DEPDC1: variants seen among roughly 807,000 people sequenced by gnomAD.
DEPDC1 encodes DEP domain-containing protein 1A.
DEPDC1 carries 66 observed loss-of-function variants against 86.8 expected under a neutral mutation model. The observed-to-expected ratio is 0.76, with a 90% CI of 0.62 to 0.93. The LOEUF is 0.93. DEPDC1 is among the 40% of genes least tolerant of loss of function. DEPDC1 has a pLI of 0.00. For missense variants in DEPDC1, 792 were observed against 935.7 expected (o/e 0.85, Z 2.00); for synonymous variants, 255 against 314.9 (o/e 0.81, Z 2.02).
chr1:68,475,325 A>G lies in DEPDC1; in HGVS notation c.*1607T>C, dbSNP rs545076451. On this transcript the variant is annotated 3_prime_UTR_variant, in exon 12 of 12. Transcript: ENST00000456315. ...AATACAAAAGCAAAATTATATTGTT[A>G]CAAAACCCCAAATAATTTTAATCTC... 1 of 152,044 alleles carries G rather than the reference A, an allele frequency of 6.6e-6. No individual in the cohort carries two copies. The highest frequency in any genetic ancestry group is 1.9e-4 in the East Asian group (1 of 5,176). 9.4% of individuals were successfully genotyped at this position (152,044 alleles called of 1,614,324 possible). A position where few individuals can be genotyped will look rare whatever the true frequency, so the allele number is the denominator to read the frequency against.
rs1646118731 is a variant in DEPDC1, at chr1:68,476,864, C to G, written c.*68G>C. ...TAATGACAGACTTCCTTTTGAGTAGCTACATTCTCAGATATGGCTTCATTT... is the reference window on the plus strand; with the variant it reads ...TAATGACAGACTTCCTTTTGAGTAGGTACATTCTCAGATATGGCTTCATTT... On this transcript the variant is annotated 3_prime_UTR_variant, in exon 12 of 12. Coordinates refer to ENST00000456315, the MANE Select transcript of DEPDC1 (RefSeq NM_001114120.3). 2 of 1,331,588 alleles carry G rather than the reference C, an allele frequency of 1.5e-6. No individual in the cohort carries two copies. The highest frequency in any genetic ancestry group is 5.3e-5 in the Admixed American group (2 of 37,680). 82.5% of individuals were successfully genotyped at this position (1,331,588 alleles called of 1,614,324 possible).
At position 68,489,474 on chromosome 1, in the gene DEPDC1, CT is replaced by C; in HGVS notation, c.448del (p.Arg150GlyfsTer14). The C allele has an allele frequency of 1.3e-6, 2 of 1,514,360 alleles. No individual in the cohort carries two copies. The highest frequency in any genetic ancestry group is 1.8e-6 in the Non-Finnish European group (2 of 1,141,782). The allele number at this position is 1,514,360 out of a possible 1,614,324, so 93.8% of individuals were successfully genotyped here. On this transcript the variant is annotated frameshift_variant, in exon 3 of 12. Coordinates refer to ENST00000456315, the MANE Select transcript of DEPDC1 (RefSeq NM_001114120.3). LOFTEE classifies it high-confidence loss of function. The part of the protein sequence containing the change: ...LRNLSRRTPK[R>X]HGLHLSQENG... ...TACCTGAGATAAATGTAATCCATGC[CT>C]TTTAGGAGTTCTACGAGATAAGTTT...
chr1:68,477,809 T>C lies in DEPDC1; in HGVS notation c.2276A>G (p.Glu759Gly), dbSNP rs1162613345. 3 of 1,520,470 alleles carry C rather than the reference T, an allele frequency of 2.0e-6. No homozygotes were observed. The South Asian group carries it at 4.2e-5, about 21-fold the overall frequency. 94.2% of individuals were successfully genotyped at this position (1,520,470 alleles called of 1,614,324 possible). A position where few individuals can be genotyped will look rare whatever the true frequency, so the allele number is the denominator to read the frequency against. Residue 759 changes from glutamate (E) to glycine (G), a missense_variant, in exon 11 of 12, where the codon GAG becomes GGG. Physicochemically the swap from Glu to Gly is moderately conservative, Grantham distance 98. Coordinates refer to ENST00000456315, the MANE Select transcript of DEPDC1 (RefSeq NM_001114120.3). ...IIKNRSLPLK[E>G]KRKKLKQFQK... Reference sequence around the variant, plus strand: ...TACCTGTTTTAGTTTTTTTCTTTTCTCCTTTAGAGGTAAACTCCTGTTTTT... The same window carrying C: ...TACCTGTTTTAGTTTTTTTCTTTTCCCCTTTAGAGGTAAACTCCTGTTTTT...
chr1:68,496,664 G>A lies in DEPDC1; in HGVS notation c.48+288C>T, dbSNP rs906824433. ...ATATTCTAAGACGCCCCCACGGGAC[G>A]CCGGCCACACCAGGCACAGGAGTCG... On this transcript the variant is annotated intron_variant, in intron 1 of 11. Transcript: ENST00000456315. This position sits in a 1 kb window ranked among gnomAD's most constrained non-coding sequence, Gnocchi z 4.0. 8.2e-6 allele frequency: 3 copies of A among 367,418 alleles called. No homozygotes were observed. The highest frequency in any genetic ancestry group is 1.5e-5 in the Non-Finnish European group (3 of 204,802). The allele number at this position is 367,418 out of a possible 1,614,324, so 22.8% of individuals were successfully genotyped here.
intron 11 of DEPDC1, among the ~76,000 whole-genome samples, chr1:68,477,345 A>C (rs1262474703): frequency 6.6e-6 from 1 of 151,654 alleles, no homozygotes; most frequent in Non-Finnish European, 1.5e-5. Flanking sequence ...AAACCTATGA[A>C]GGGCATAGGC....
rs1449714960 is a variant in DEPDC1 at position 68,496,286 on chromosome 1, G to A, written c.48+666C>T. On this transcript the variant is annotated intron_variant, in intron 1 of 11. Transcript: ENST00000456315. The surrounding 1 kb of genome is among the most constrained non-coding windows in gnomAD (Gnocchi z 4.0). The stretch of plus-strand genomic sequence containing the variant: ...AGTAACCTTTACCAATGTGGAAACA[G>A]GCTCACAGAAGGTAGGGGACTCACC... 2.6e-5 allele frequency among the ~76,000 whole-genome samples: 4 copies of A among 152,180 alleles called. No homozygotes were observed. Among genetic ancestry groups the A allele is most frequent in the Non-Finnish European group, 4.4e-5 (3 of 68,040 alleles).
rs144937853 is a variant in DEPDC1, at chr1:68,492,816, T to C, written c.314+1614A>G. 4.3e-4 allele frequency among the ~76,000 whole-genome samples: 66 copies of C among 152,098 alleles called. 1 individual carries two copies. The highest frequency in any genetic ancestry group is 3.1e-3 in the South Asian group (15 of 4,826). Reference sequence around the variant, plus strand: ...TACTTAGGGAGCACAATAGACTAAATCATATTTAAAGGACAAGAAAGGGAA... The same window carrying C: ...TACTTAGGGAGCACAATAGACTAAACCATATTTAAAGGACAAGAAAGGGAA... On this transcript the variant is annotated intron_variant, in intron 2 of 11. Transcript: ENST00000456315.
Position 68,476,257 on chromosome 1 carries a change from C to T in DEPDC1, c.*675G>A, listed in dbSNP as rs542916803. The stretch of plus-strand genomic sequence containing the variant: ...ATCTTTTGAATGAATATATGATTGC[C>T]TTATACTTCTTTTATATCCCCATCT... On this transcript the variant is annotated 3_prime_UTR_variant, in exon 12 of 12. Coordinates refer to ENST00000456315, the MANE Select transcript of DEPDC1 (RefSeq NM_001114120.3). The T allele has an allele frequency of 4.7e-5, 7 of 148,936 alleles. No individual in the cohort carries two copies. The highest frequency in any genetic ancestry group is 1.9e-4 in the East Asian group (1 of 5,170). 9.2% of individuals were successfully genotyped at this position (148,936 alleles called of 1,614,324 possible).
At position 68,481,628 on chromosome 1, in the gene DEPDC1, A is replaced by AC. The variant is rs758420543; in HGVS notation, c.1763-17dup. On this transcript the variant is annotated splice_polypyrimidine_tract_variant and intron_variant, in intron 8 of 11. Coordinates refer to ENST00000456315, the MANE Select transcript of DEPDC1 (RefSeq NM_001114120.3). ...TGCAGCAAGCCTAGAATACAAAAAT[A>AC]CCCCCCCAAAAATCATCAATGACAC... 29 of 1,465,732 alleles carry AC rather than the reference A, an allele frequency of 2.0e-5. No individual in the cohort carries two copies. The Admixed American group carries it at 3.8e-4, about 19-fold the overall frequency. The allele number at this position is 1,465,732 out of a possible 1,614,324, so 90.8% of individuals were successfully genotyped here.
chr1:68,489,593 C>A lies in DEPDC1; in HGVS notation c.330G>T (p.Ser110=), dbSNP rs766624676. 1.3e-6 allele frequency: 2 copies of A among 1,532,062 alleles called. No homozygotes were observed. The highest frequency in any genetic ancestry group is 2.7e-5 in the South Asian group (2 of 75,072). 94.9% of individuals were successfully genotyped at this position (1,532,062 alleles called of 1,614,324 possible). Residue 110 remains serine, a synonymous_variant, in exon 3 of 12, where the codon TCG becomes TCT. Transcript: ENST00000456315. The part of the protein sequence containing the change: ...NNQLFRFPAT[S]PLKTLPRRYP... ...ACCTTCGTGGTAGAGTTTTAAGTGG[C>A]GAAGTTGCAGGAAATCTGGTTTAAA...
chr1:68,482,230 A>C lies in DEPDC1; in HGVS notation c.1578T>G (p.Asn526Lys), dbSNP rs780912014. Residue 526 changes from asparagine to lysine, a missense_variant, in exon 8 of 12, where the codon AAT becomes AAG. Coordinates refer to ENST00000456315, the MANE Select transcript of DEPDC1 (RefSeq NM_001114120.3). ...TCATGATAATTTCAGCCACTGGTGT[A>C]TTGATATAACTATTCCTTCTTGTAC... The part of the protein sequence containing the change: ...RSSTRRNSYI[N>K]TPVAEIIMKP... 1 of 1,612,908 alleles carries C rather than the reference A, an allele frequency of 6.2e-7. No homozygotes were observed. The highest frequency in any genetic ancestry group is 8.5e-7 in the Non-Finnish European group (1 of 1,179,254).
Position 68,494,438 on chromosome 1 carries a change from C to G in DEPDC1, c.306G>C (p.Gln102His), listed in dbSNP as rs754106335. ...ACATATCTGTTCATTACCTGAAGAG[C>G]TGGTTGTTATCATCAACATTTTCTG... ...WGSENVDDNN[Q>H]LFRFPATSPL... The change falls in exon 2 of 12, where the codon CAG becomes CAC. Residue 102 changes from glutamine to histidine, a missense_variant. Transcript: ENST00000456315. 2.5e-6 allele frequency: 4 copies of G among 1,612,964 alleles called. No homozygotes were observed. Among genetic ancestry groups the G allele is most frequent in the South Asian group, 1.1e-5 (1 of 90,962 alleles).
At chr1:68,495,473 A>G (rs751367614) in intron 1 of DEPDC1, among the ~76,000 whole-genome samples, 19 of 152,246 alleles carry the variant, frequency 1.2e-4, no homozygotes, top group Non-Finnish European at 2.6e-4. Flanking sequence ...CAGAGAGATT[A>G]ATAAAATGAC....
chr1:68,485,164 TCACACACA>T (rs57417497), intron 6 of DEPDC1, among the ~76,000 whole-genome samples: 3 of 149,456 alleles, frequency 2.0e-5, no homozygotes, highest in Non-Finnish European at 3.0e-5. Context: ...AGAAAACAAT[TCACACACA>T]CACACACACA....
chr1:68,477,931 A>C lies in DEPDC1; in HGVS notation c.2154T>G (p.Thr718=), dbSNP rs775859357. ...CACTAATCTGCTTACAGTATGAGTA[A>C]GTTGGCAAAGGAGCAAATAGTCCAT... ...PGDGLFAPLP[T]YSYCKQISAQ... Residue 718 remains threonine (T), a synonymous_variant, in exon 11 of 12, where the codon ACT becomes ACG. Coordinates refer to ENST00000456315, the MANE Select transcript of DEPDC1 (RefSeq NM_001114120.3). The C allele has an allele frequency of 1.9e-6, 3 of 1,568,346 alleles. No homozygotes were observed. The East Asian group carries it at 6.8e-5, about 36-fold the overall frequency.
chr1:68,482,597 A>C lies in DEPDC1; in HGVS notation c.1211T>G (p.Ile404Arg), dbSNP rs3790479. 0.052 allele frequency: 83,082 copies of C among 1,612,858 alleles called. 2,595 individuals are homozygous for C. The highest frequency in any genetic ancestry group is 0.14 in the African/African-American group (10,255 of 74,936). Reference sequence around the variant, plus strand: ...TAGATCATGCATATTACTTAACCCTATTAAATTATGACAACTTCCTCCCAT... The same window carrying C: ...TAGATCATGCATATTACTTAACCCTCTTAAATTATGACAACTTCCTCCCAT... Reference protein sequence around the residue: ...DIMGGSCHNLIGLSNMHDLSS... With the variant: ...DIMGGSCHNLRGLSNMHDLSS... Residue 404 changes from isoleucine to arginine, a missense_variant, in exon 8 of 12, where the codon ATA (isoleucine) becomes AGA (arginine). Physicochemically the swap from Ile to Arg is moderately conservative, Grantham distance 97. Transcript: ENST00000456315.
intron 2 of DEPDC1, among the ~76,000 whole-genome samples, chr1:68,491,519 T>C (rs951163729): frequency 6.6e-6 from 1 of 152,076 alleles, no homozygotes; most frequent in Non-Finnish European, 1.5e-5. Context: ...AAATAACAGG[T>C]GCTGGCAAGG....
chr1:68,494,225 C>T lies in DEPDC1; in HGVS notation c.314+205G>A, dbSNP rs75922944. ...CCAATTCCCTACTTTATTATATATG[C>T]TAACACTTAAAAACTTTAAATTTTG... is the stretch of plus-strand genomic sequence containing the variant. On this transcript the variant is annotated intron_variant, in intron 2 of 11. Transcript: ENST00000456315. Among the ~76,000 whole-genome samples, 1,320 of 152,252 alleles carry T rather than the reference C, an allele frequency of 8.7e-3. 16 individuals are homozygous for T. The highest frequency in any genetic ancestry group is 0.031 in the African/African-American group (1,276 of 41,536).
intron 5 of DEPDC1, among the ~76,000 whole-genome samples, chr1:68,488,023 A>G (rs960289460): frequency 6.6e-5 from 10 of 151,830 alleles, no homozygotes; most frequent in Non-Finnish European, 1.2e-4. Flanking sequence ...GACCATTTCT[A>G]TCTTACTTAT....
Sources: gnomAD v4.1 joint callset for allele counts (sites outside exome capture counted in the v4.1 genomes callset) on GRCh38, gnomAD v4.1.1 for gene constraint, Gnocchi (gnomAD v3.1) non-coding constraint, MANE v1.5 for transcripts, NCBI Gene and HGNC (gene_info 2026-07-23, HGNC 2026-07-21) for gene names.